The following ATP4A variants were observed in gnomAD, a reference collection of about 807,000 sequenced individuals.
ATP4A encodes the protein ATPase H+/K+ transporting subunit alpha.
Under a neutral mutation model 112.1 loss-of-function variants are expected in ATP4A, and 73 were observed. That is an observed-to-expected ratio of 0.65 (90% CI 0.54 to 0.79). ATP4A has a LOEUF of 0.79. Among genes scored for constraint, ATP4A ranks in the 30% least tolerant of loss-of-function variants. The pLI, the probability that ATP4A is intolerant of heterozygous loss-of-function variation, is 0.00. For synonymous variants in ATP4A, 588 were observed against 588.9 expected (o/e 1.00, Z 0.02); for missense variants, 1,081 against 1,425.9 (o/e 0.76, Z 3.90).
chr19:35,553,668 C>G (rs752074709), intron 17 of ATP4A, 38 bp downstream of exon 17: 3 of 1,607,842 alleles, frequency 1.9e-6, no homozygotes, highest in Admixed American at 3.4e-5. Flanking sequence ...CAGCGCAGAG[C>G]CCCCCACCTC....
chr19:35,552,087 C>T (rs942912239), intron 18 of ATP4A, among the ~76,000 whole-genome samples: 4 of 152,122 alleles, frequency 2.6e-5, no homozygotes, highest in Non-Finnish European at 5.9e-5. Context: ...CGCTCTGTCA[C>T]CCAGGCTGGA....
chr19:35,558,926 A>G lies in ATP4A; in HGVS notation c.1255+67T>C, dbSNP rs1201437245. 10 of 1,579,190 alleles carry G rather than the reference A, an allele frequency of 6.3e-6. No homozygotes were observed. The East Asian group carries it at 1.6e-4, about 25-fold the overall frequency. ...CGTACAAAGCCCTCCCTACCTCCCTATCCCTCTTCAGGTCTCCACCATCCA... is the reference window on the plus strand; with the variant it reads ...CGTACAAAGCCCTCCCTACCTCCCTGTCCCTCTTCAGGTCTCCACCATCCA... On this transcript the variant is annotated intron_variant, in intron 8 of 21. Transcript: ENST00000262623. The surrounding 1 kb of genome is among the most constrained non-coding windows in gnomAD (Gnocchi z 5.1).
rs371925816 is a variant in ATP4A at position 35,559,940 on chromosome 19, C to T, written c.921G>A (p.Ala307=). The part of the protein sequence containing the change: ...IEIEHFVDII[A]GLAILFGATF... ...TGGCACCGAAGAGAATGGCCAGGCC[C>T]GCGATGATGTCCACAAAATGCTCGA... is the stretch of plus-strand genomic sequence containing the variant. The change falls in exon 7 of 22, where the codon GCG becomes GCA. Residue 307 remains alanine, a synonymous_variant. Coordinates refer to ENST00000262623, the MANE Select transcript of ATP4A (RefSeq NM_000704.3). This position sits in a 1 kb window ranked among gnomAD's most constrained non-coding sequence, Gnocchi z 4.1. 1.5e-5 allele frequency: 25 copies of T among 1,614,082 alleles called. No homozygotes were observed. The highest frequency in any genetic ancestry group is 1.6e-4 in the Middle Eastern group (1 of 6,084).
Position 35,562,580 on chromosome 19 carries a change from C to CGCAGT in ATP4A, c.270_274dup (p.Arg92HisfsTer115). ...GTACTCTGGGGTGCCCCGTGGTGGC[C>CGCAGT]GCAGTGCGTTGGGCCCATCCCGCAG... On this transcript the variant is annotated frameshift_variant, in exon 4 of 22. Transcript: ENST00000262623. LOFTEE classifies it high-confidence loss of function. 1 of 1,611,498 alleles carries CGCAGT rather than the reference C, an allele frequency of 6.2e-7. No individual in the cohort carries two copies.
chr19:35,553,737 C>T lies in ATP4A; in HGVS notation c.2574G>A (p.Glu858=). The part of the protein sequence containing the change: ...RNPKRDRLVN[E]PLAAYSYFQI... The stretch of plus-strand genomic sequence containing the variant: ...GGAAGTAGGAGTAGGCAGCCAGGGG[C>T]TCGTTGACCAATCTGTCACGCTTTG... Residue 858 remains glutamate, a synonymous_variant, in exon 17 of 22, where the codon GAG becomes GAA. Coordinates refer to ENST00000262623, the MANE Select transcript of ATP4A (RefSeq NM_000704.3). 1 of 1,613,632 alleles carries T rather than the reference C, an allele frequency of 6.2e-7. No individual in the cohort carries two copies. The highest frequency in any genetic ancestry group is 8.5e-7 in the Non-Finnish European group (1 of 1,179,864).
At position 35,560,422 on chromosome 19, in the gene ATP4A, G is replaced by A. The variant is rs142971981; in HGVS notation, c.728C>T (p.Thr243Met). Reference sequence around the variant, plus strand: ...GCGGGTCTCCAGAGGGCTCTCGTGCGTGCACTCGGGTGAGCGGGTCTGTGG... The same window carrying A: ...GCGGGTCTCCAGAGGGCTCTCGTGCATGCACTCGGGTGAGCGGGTCTGTGG... ...SEPQTRSPEC[T>M]HESPLETRNI... Residue 243 changes from threonine to methionine, a missense_variant, in exon 6 of 22, where the codon ACG becomes ATG. This residue lies in a region of ATP4A where 850 missense variants were observed against 1,068.2 expected (regional missense o/e 0.80). Coordinates refer to ENST00000262623, the MANE Select transcript of ATP4A (RefSeq NM_000704.3). The surrounding 1 kb of genome is among the most constrained non-coding windows in gnomAD (Gnocchi z 5.1). 5.1e-5 allele frequency: 82 copies of A among 1,613,766 alleles called. No individual in the cohort carries two copies. Among genetic ancestry groups the A allele is most frequent in the African/African-American group, 6.7e-5 (5 of 74,906 alleles).
Position 35,551,217 on chromosome 19 carries a change from T to A in ATP4A, c.2886-106A>T. The A allele has an allele frequency of 1.6e-6, 2 of 1,251,234 alleles. No homozygotes were observed. Among genetic ancestry groups the A allele is most frequent in the Non-Finnish European group, 2.3e-6 (2 of 884,068 alleles). The allele number at this position is 1,251,234 out of a possible 1,614,324, so 77.5% of individuals were successfully genotyped here. On this transcript the variant is annotated intron_variant, in intron 19 of 21. Transcript: ENST00000262623. The surrounding 1 kb of genome is among the most constrained non-coding windows in gnomAD (Gnocchi z 5.2). The stretch of plus-strand genomic sequence containing the variant: ...AGATGTCAGCAGCAGCAGGGAGGTG[T>A]TCTACACACTGAACACTGGAGTGGC...
chr19:35,551,997 C>T lies in ATP4A; in HGVS notation c.2752-417G>A, dbSNP rs1278175297. 6.6e-6 allele frequency among the ~76,000 whole-genome samples: 1 copy of T among 152,096 alleles called. No homozygotes were observed. The highest frequency in any genetic ancestry group is 1.5e-5 in the Non-Finnish European group (1 of 67,998). On this transcript the variant is annotated intron_variant, in intron 18 of 21. Coordinates refer to ENST00000262623, the MANE Select transcript of ATP4A (RefSeq NM_000704.3). The surrounding 1 kb of genome is among the most constrained non-coding windows in gnomAD (Gnocchi z 5.2). ...ACCGCGGGCCTTTGGGAAAAGAGGG[C>T]AGATGCCCCATTTAAAGGGGGCAGC...
chr19:35,559,937 G>C lies in ATP4A; in HGVS notation c.924C>G (p.Gly308=). Residue 308 remains glycine (G), a synonymous_variant, in exon 7 of 22, where the codon GGC becomes GGG. Transcript: ENST00000262623. This position sits in a 1 kb window ranked among gnomAD's most constrained non-coding sequence, Gnocchi z 4.1. ...ATGTGGCACCGAAGAGAATGGCCAG[G>C]CCCGCGATGATGTCCACAAAATGCT... The part of the protein sequence containing the change: ...EIEHFVDIIA[G]LAILFGATFF... 6.2e-7 allele frequency: 1 copy of C among 1,614,252 alleles called. No individual in the cohort carries two copies. Among genetic ancestry groups the C allele is most frequent in the Non-Finnish European group, 8.5e-7 (1 of 1,180,044 alleles).
intron 16 of ATP4A, among the ~76,000 whole-genome samples, chr19:35,554,039 A>G (rs545787647): frequency 3.3e-5 from 5 of 152,114 alleles, no homozygotes; most frequent in Non-Finnish European, 7.4e-5. Context: ...TCGTAAGAAC[A>G]TCTGCTTTTA....
rs1441239664 is a variant in ATP4A, at chr19:35,555,927, T to G, written c.1870-115A>C. 2.8e-6 allele frequency: 4 copies of G among 1,415,700 alleles called. No homozygotes were observed. The highest frequency in any genetic ancestry group is 3.8e-6 in the Non-Finnish European group (4 of 1,057,558). 87.7% of individuals were successfully genotyped at this position (1,415,700 alleles called of 1,614,324 possible). A position where few individuals can be genotyped will look rare whatever the true frequency, so the allele number is the denominator to read the frequency against. ...ATTTACTTGACCAAGCGTGACCACC[T>G]CCTACGTGCCTGGGATATAGCAGAG... On this transcript the variant is annotated intron_variant, in intron 12 of 21. Coordinates refer to ENST00000262623, the MANE Select transcript of ATP4A (RefSeq NM_000704.3). This position sits in a 1 kb window ranked among gnomAD's most constrained non-coding sequence, Gnocchi z 6.6.
chr19:35,559,222 G>C lies in ATP4A; in HGVS notation c.1057-31C>G. On this transcript the variant is annotated intron_variant, in intron 7 of 21. Coordinates refer to ENST00000262623, the MANE Select transcript of ATP4A (RefSeq NM_000704.3). The surrounding 1 kb of genome is among the most constrained non-coding windows in gnomAD (Gnocchi z 4.1). ...GAAGGGGTGAGCACCGCAGGCTGGG[G>C]ACCCACCCTGGCTTCCAGTCCTCTT... The C allele has an allele frequency of 6.2e-7, 1 of 1,608,414 alleles. No homozygotes were observed. Among genetic ancestry groups the C allele is most frequent in the Non-Finnish European group, 8.5e-7 (1 of 1,176,810 alleles).
chr19:35,558,563 C>T lies in ATP4A; in HGVS notation c.1365+14G>A. 1.3e-6 allele frequency: 2 copies of T among 1,596,722 alleles called. No individual in the cohort carries two copies. Among genetic ancestry groups the T allele is most frequent in the Non-Finnish European group, 1.7e-6 (2 of 1,172,498 alleles). On this transcript the variant is annotated intron_variant, in intron 9 of 21. Transcript: ENST00000262623. This position sits in a 1 kb window ranked among gnomAD's most constrained non-coding sequence, Gnocchi z 5.1. ...CAGCCTCCCGGGATTCCCTGGAGGC[C>T]CCCTGGCTCTCACCTTGGGCACAGG...
At position 35,560,101 on chromosome 19, in the gene ATP4A, G is replaced by T. The variant is rs777258845; in HGVS notation, c.788-28C>A. The T allele has an allele frequency of 1.4e-5, 22 of 1,611,352 alleles. No individual in the cohort carries two copies. The South Asian group carries it at 1.9e-4, about 14-fold the overall frequency. On this transcript the variant is annotated intron_variant, in intron 6 of 21. Transcript: ENST00000262623. This position sits in a 1 kb window ranked among gnomAD's most constrained non-coding sequence, Gnocchi z 5.1. The stretch of plus-strand genomic sequence containing the variant: ...GCAGGGGGGCCAAGGCGCGACTCAG[G>T]GATAGGGGGCGGCAGTGGGGTGTGC...
Position 35,560,595 on chromosome 19 carries a change from A to G in ATP4A, c.555T>C (p.Asp185=), listed in dbSNP as rs780234085. ...CAGCGTTGATCTGGAATTTGTCTCC[A>G]TCGCGGATGACAGTGGCTTGCTGCG... ...LVPQQATVIR[D]GDKFQINADQ... Residue 185 remains aspartate, a synonymous_variant, in exon 6 of 22, where the codon GAT becomes GAC. Transcript: ENST00000262623. This position sits in a 1 kb window ranked among gnomAD's most constrained non-coding sequence, Gnocchi z 5.1. The G allele has an allele frequency of 1.3e-6, 2 of 1,490,242 alleles. No homozygotes were observed. The highest frequency in any genetic ancestry group is 2.8e-5 in the East Asian group (1 of 35,140). 92.3% of individuals were successfully genotyped at this position (1,490,242 alleles called of 1,614,324 possible).
In ATP4A at chr19:35,557,700, G is replaced by A; in HGVS notation, c.1648C>T (p.Gln550Ter). Residue 550 changes from glutamine to a stop codon, truncating the protein, a stop_gained, in exon 11 of 22, where the codon CAG becomes TAG. Coordinates refer to ENST00000262623, the MANE Select transcript of ATP4A (RefSeq NM_000704.3). LOFTEE classifies it high-confidence loss of function. The surrounding 1 kb of genome is among the most constrained non-coding windows in gnomAD (Gnocchi z 4.4). ...PLDEQWREAFQTAYLSLGGLG... is the reference protein window; with the variant it reads ...PLDEQWREAF ...CCTCCCAGGCTGAGGTAGGCGGTCTGGAAGGCCTCGCGCCACTGCTCGTCC... is the reference window on the plus strand; with the variant it reads ...CCTCCCAGGCTGAGGTAGGCGGTCTAGAAGGCCTCGCGCCACTGCTCGTCC... The A allele has an allele frequency of 6.2e-7, 1 of 1,609,138 alleles. No homozygotes were observed. The highest frequency in any genetic ancestry group is 8.5e-7 in the Non-Finnish European group (1 of 1,178,324).
intron 12 of ATP4A, among the ~76,000 whole-genome samples, chr19:35,556,281 G>C (rs972282019): frequency 1.8e-4 from 28 of 152,204 alleles, no homozygotes; most frequent in African/African-American, 5.5e-4. Context: ...AACTGCAGAG[G>C]AGTGAACAAG....
Position 35,558,339 on chromosome 19 carries a change from C to A in ATP4A, c.1500+23G>T, listed in dbSNP as rs200145987. The A allele has an allele frequency of 5.6e-6, 9 of 1,599,022 alleles. No individual in the cohort carries two copies. Among genetic ancestry groups the A allele is most frequent in the Non-Finnish European group, 7.7e-6 (9 of 1,173,448 alleles). On this transcript the variant is annotated intron_variant, in intron 10 of 21. Transcript: ENST00000262623. This position sits in a 1 kb window ranked among gnomAD's most constrained non-coding sequence, Gnocchi z 5.1. The stretch of plus-strand genomic sequence containing the variant: ...GGGCCCGAGGTGGGCGGGCCCAGGC[C>A]GTGGGCGGGGCCGGCTGCGCACCTG...
At chr19:35,554,876 T>G (rs368295347) in intron 16 of ATP4A, 46 bp downstream of exon 16, 3 of 1,611,990 alleles carry the variant, frequency 1.9e-6, no homozygotes, top group Non-Finnish European at 2.5e-6. Context: ...TGCAAGCAAG[T>G]GTCTCTGGGC....
Sources: gnomAD v4.1 joint callset for allele counts (sites outside exome capture counted in the v4.1 genomes callset) on GRCh38, gnomAD v4.1.1 for gene constraint, gnomAD v4.1.1 regional missense constraint, Gnocchi (gnomAD v3.1) non-coding constraint, MANE v1.5 for transcripts, NCBI Gene and HGNC (gene_info 2026-07-23, HGNC 2026-07-21) for gene names.